The following CAPRIN2 variants were observed in gnomAD, a reference collection of about 807,000 sequenced individuals.
CAPRIN2 encodes the protein caprin-2.
Under a neutral mutation model 130.4 loss-of-function variants are expected in CAPRIN2, and 66 were observed. The ratio of observed to expected loss-of-function variants is 0.51; its 90% CI spans 0.42 to 0.62. The LOEUF (loss-of-function observed/expected upper bound fraction) is 0.62. Ranked by LOEUF, CAPRIN2 falls within the 20% of genes least tolerant of loss-of-function variation. The pLI is 0.00. For missense variants in CAPRIN2, 1,185 were observed against 1,246.6 expected (o/e 0.95, Z 0.74); for synonymous variants, 471 against 444.1 (o/e 1.06, Z -0.76).
chr12:30,724,871 G>A (rs2060445271), intron 9 of CAPRIN2, among the ~76,000 whole-genome samples: 1 of 152,126 alleles, frequency 6.6e-6, no homozygotes, highest in African/African-American at 2.4e-5. Flanking sequence ...GTATGTGCCT[G>A]TAGTCCCAGA....
chr12:30,746,978 A>G (rs2070846042), intron 2 of CAPRIN2, among the ~76,000 whole-genome samples: 1 of 152,238 alleles, frequency 6.6e-6, no homozygotes, highest in South Asian at 2.1e-4. Context: ...AGAGATGAGA[A>G]GTCAATGCCT....
At chr12:30,743,407 C>T (rs747315197) in intron 2 of CAPRIN2, among the ~76,000 whole-genome samples, 4 of 152,176 alleles carry the variant, frequency 2.6e-5, no homozygotes, top group Non-Finnish European at 4.4e-5. Flanking sequence ...TACCATTCCA[C>T]CAGAACTGTT....
At chr12:30,719,041 A>G in intron 12 of CAPRIN2, 38 bp downstream of exon 14, 1 of 1,589,408 alleles carries the variant, frequency 6.3e-7, no homozygotes, top group Non-Finnish European at 8.6e-7. Context: ...TTTAACAGGA[A>G]TAATGAACTG....
At chr12:30,728,575 A>G (rs1454832310) in intron 8 of CAPRIN2, 73 bp downstream of exon 9, 2 of 1,278,102 alleles carry the variant, frequency 1.6e-6, no homozygotes, top group East Asian at 4.7e-5. Flanking sequence ...AAAAAAGAGA[A>G]CTAAAAAGTC....
Position 30,753,331 on chromosome 12 carries a change from G to A in CAPRIN2, c.420+13C>T, listed in dbSNP as rs2074902488. ...AGATCATGCATCTACAGGACTGGAAGAAAAAAAGTTACCTTCTTTTTCTCG... is the reference window on the plus strand; with the variant it reads ...AGATCATGCATCTACAGGACTGGAAAAAAAAAAGTTACCTTCTTTTTCTCG... On this transcript the variant is annotated intron_variant, in intron 1 of 16. Transcript: ENST00000298892. The A allele has an allele frequency of 6.3e-7, 1 of 1,595,562 alleles. No homozygotes were observed.
rs189864706 is a variant in CAPRIN2 at position 30,723,112 on chromosome 12, C to T, written c.2043+147G>A. The T allele has an allele frequency of 8.0e-4, 489 of 611,568 alleles. 4 individuals are homozygous for T. In the African/African-American group the frequency reaches 8.3e-3, roughly 10 times the overall value. 37.9% of individuals were successfully genotyped at this position (611,568 alleles called of 1,614,324 possible). A position where few individuals can be genotyped will look rare whatever the true frequency, so the allele number is the denominator to read the frequency against. On this transcript the variant is annotated intron_variant, in intron 11 of 16. Coordinates refer to ENST00000298892, the Ensembl canonical transcript of CAPRIN2. ...ATCGGGGAATCATTTTAGGACAAGT[C>T]GTATTTAATCTACAAAACTAGATAT...
intron 3 of CAPRIN2, 129 bp from the exon 5 acceptor site, chr12:30,735,335 T>C: frequency 1.3e-6 from 1 of 756,350 alleles, no homozygotes; most frequent in Non-Finnish European, 2.2e-6. Flanking sequence ...AAACTACCAG[T>C]TTAGTCTGTC....
chr12:30,739,797 TC>T lies in CAPRIN2; in HGVS notation c.570+1222del, dbSNP rs1372824261. 2.0e-5 allele frequency among the ~76,000 whole-genome samples: 3 copies of T among 152,128 alleles called. No individual in the cohort carries two copies. The East Asian group carries it at 5.8e-4, about 29-fold the overall frequency. On this transcript the variant is annotated intron_variant, in intron 3 of 16. Coordinates refer to ENST00000298892, the Ensembl canonical transcript of CAPRIN2. ...TAAAATTGGACTATTTATAGCAACTTCCCAGACTATTGTAAAAATCAAGTGG... is the reference window on the plus strand; with the variant it reads ...TAAAATTGGACTATTTATAGCAACTTCCAGACTATTGTAAAAATCAAGTGG...
intron 12 of CAPRIN2, 144 bp downstream of exon 13, chr12:30,720,667 C>T (rs2059136615): frequency 1.8e-6 from 1 of 559,796 alleles, no homozygotes. Context: ...GTAAAAGTTC[C>T]AAGATCACAA....
At chr12:30,754,007 C>T in exon 1 of CAPRIN2, 1 of 457,198 alleles carries the variant, frequency 2.2e-6, no homozygotes, top group Non-Finnish European at 3.9e-6. Context: ...CCACTCAAAC[C>T]TCTTTACATG....
intron 9 of CAPRIN2, among the ~76,000 whole-genome samples, chr12:30,725,086 A>G (rs774084595): frequency 3.9e-5 from 6 of 152,206 alleles, no homozygotes; most frequent in Non-Finnish European, 7.3e-5. Flanking sequence ...AAACATAGCC[A>G]TCAATCCTAG....
intron 12 of CAPRIN2, chr12:30,719,835 C>T (rs2058824187): frequency 6.6e-6 from 1 of 152,148 alleles, no homozygotes; most frequent in South Asian, 2.1e-4. Flanking sequence ...TCTTCCTCTT[C>T]TTAAAATGAG....
In CAPRIN2 at chr12:30,744,585, T is replaced by C. The variant is rs868485482; in HGVS notation, c.484-3479A>G. ...CCTTTCACTGGCTAAGTCTCATTCA[T>C]ATTTTAGGTCTTAACTAAAGTTCTT... On this transcript the variant is annotated intron_variant, in intron 2 of 16. Coordinates refer to ENST00000298892, the Ensembl canonical transcript of CAPRIN2. Among the ~76,000 whole-genome samples, 7 of 152,290 alleles carry C rather than the reference T, an allele frequency of 4.6e-5. No homozygotes were observed. In the South Asian group the frequency reaches 1.0e-3, roughly 23 times the overall value.
At chr12:30,751,558 G>A (rs998711463) in intron 1 of CAPRIN2, 14 of 204,884 alleles carry the variant, frequency 6.8e-5, no homozygotes, top group East Asian at 5.5e-4. Flanking sequence ...GAGTGCTACC[G>A]GTATCTTGTG....
At chr12:30,752,652 A>C (rs542130429) in intron 1 of CAPRIN2, among the ~76,000 whole-genome samples, 148 of 152,174 alleles carry the variant, frequency 9.7e-4, no homozygotes, top group African/African-American at 3.3e-3. Context: ...TTTAAGGTCT[A>C]ACTAGGTCTT....
Position 30,719,244 on chromosome 12 carries a change from G to A in CAPRIN2, c.2148+1567C>T, listed in dbSNP as rs73079962. ...TTGCTGCCTGGGGAGGAGAAATGCAGCATCAGCCAATCACCTGCCATATAA... is the reference window on the plus strand; with the variant it reads ...TTGCTGCCTGGGGAGGAGAAATGCAACATCAGCCAATCACCTGCCATATAA... On this transcript the variant is annotated intron_variant, in intron 12 of 16. Transcript: ENST00000298892. The A allele has an allele frequency of 0.074, 119,410 of 1,612,558 alleles. 4,949 individuals are homozygous for A. Among genetic ancestry groups the A allele is most frequent in the Middle Eastern group, 0.12 (698 of 6,048 alleles).
In CAPRIN2 at chr12:30,731,202, G is replaced by C; in HGVS notation, c.1060+141C>G. On this transcript the variant is annotated intron_variant, in intron 6 of 16. Transcript: ENST00000298892. ...AGCCTAGAGATGTTTTATAAACCTA[G>C]GTTTATCCTGTGGTAAGTAAAGATT... The C allele has an allele frequency of 5.4e-6, 3 of 553,950 alleles. No individual in the cohort carries two copies. The South Asian group carries it at 9.3e-5, about 17-fold the overall frequency. 34.3% of individuals were successfully genotyped at this position (553,950 alleles called of 1,614,324 possible). A position where few individuals can be genotyped will look rare whatever the true frequency, so the allele number is the denominator to read the frequency against.
At chr12:30,723,565 C>G (rs2060034954) in intron 10 of CAPRIN2, among the ~76,000 whole-genome samples, 1 of 152,066 alleles carries the variant, frequency 6.6e-6, no homozygotes, top group Admixed American at 6.5e-5. Flanking sequence ...TTCAAGACTT[C>G]CAAAAGAAAA....
exon 10 of CAPRIN2, chr12:30,724,422 T>G (rs2060295062): frequency 6.2e-7 from 1 of 1,612,736 alleles, no homozygotes; most frequent in Non-Finnish European, 8.5e-7. Flanking sequence ...GAATTGCACT[T>G]GAAGGTTTGT....
Sources: allele counts gnomAD v4.1 joint callset (sites outside exome capture counted in the v4.1 genomes callset), GRCh38; gene constraint gnomAD v4.1.1; transcripts MANE v1.5; gene names NCBI Gene and HGNC (gene_info 2026-07-23, HGNC 2026-07-21).